Variants in DLC1 observed in about 807,000 individuals in gnomAD.
DLC1 encodes the protein DLC1 Rho GTPase activating protein, also known as rho GTPase-activating protein 7.
A neutral mutation model predicts 140.3 loss-of-function variants in DLC1; 54 were observed. That is an observed-to-expected ratio of 0.38 (90% confidence interval 0.31 to 0.48). The LOEUF is 0.48. Among genes scored for constraint, DLC1 ranks in the 20% least tolerant of loss-of-function variants. The probability of loss-of-function intolerance (pLI) is 0.96; values close to 1 mark genes in which losing one functional copy is unlikely to be tolerated. For synonymous variants in DLC1, 986 were observed against 728.1 expected, an observed-to-expected ratio of 1.35 and a Z score of -5.70; for missense variants, 2,536 against 1,907.0, an observed-to-expected ratio of 1.33 and a Z score of -6.14.
chr8:13,402,223 T>A (rs1209008257), intron 2 of DLC1, among the ~76,000 whole-genome samples: 1 of 152,184 alleles, frequency 6.6e-6, no homozygotes, highest in Non-Finnish European at 1.5e-5. Flanking sequence ...CCCACAACAA[T>A]TTGTATTTTT....
rs73203976 is a variant in DLC1, at chr8:13,355,590, G to A, written c.1314+37963C>T. Among the ~76,000 whole-genome samples, 315 of 152,248 alleles carry A rather than the reference G, an allele frequency of 2.1e-3. 1 individual carries two copies. The highest frequency in any genetic ancestry group is 0.014 in the Middle Eastern group (4 of 294). ...ATCAGATCAGGACCCCACCTTCTCAGCTCATTTAATATGAATTACTTCCTT... is the reference window on the plus strand; with the variant it reads ...ATCAGATCAGGACCCCACCTTCTCAACTCATTTAATATGAATTACTTCCTT... On this transcript the variant is annotated intron_variant, in intron 4 of 17. Coordinates refer to ENST00000276297, the MANE Select transcript of DLC1 (RefSeq NM_182643.3).
chr8:13,212,141 TTTATG>T (rs1292380224), intron 5 of DLC1, among the ~76,000 whole-genome samples: 2 of 152,198 alleles, frequency 1.3e-5, no homozygotes, highest in South Asian at 2.1e-4. Flanking sequence ...TGTTAAGAAA[TTTATG>T]TTATGTTATT....
At chr8:13,232,070 T>C (rs114787339) in intron 5 of DLC1, among the ~76,000 whole-genome samples, 1,592 of 152,278 alleles carry the variant, frequency 0.01, 35 homozygotes, top group African/African-American at 0.037. Context: ...TGGTCGCAGT[T>C]GTGCTCTGAA....
chr8:13,451,383 ACT>A (rs1799050964), intron 2 of DLC1, among the ~76,000 whole-genome samples: 1 of 151,952 alleles, frequency 6.6e-6, no homozygotes, highest in South Asian at 2.1e-4. Flanking sequence ...ATCCAATTAC[ACT>A]CTTTTAGTTA....
At chr8:13,468,323 C>T (rs1800037551) in intron 2 of DLC1, among the ~76,000 whole-genome samples, 1 of 116,060 alleles carries the variant, frequency 8.6e-6, no homozygotes, top group African/African-American at 3.0e-5. Context: ...TTTTCTCTCT[C>T]TTTCCCTTCC....
intron 5 of DLC1, among the ~76,000 whole-genome samples, chr8:13,122,065 T>G (rs1196588082): frequency 1.3e-5 from 2 of 152,190 alleles, no homozygotes; most frequent in African/African-American, 4.8e-5. Context: ...CACGGAACTC[T>G]GATAAGCCTC....
At chr8:13,156,388 T>C (rs1824257470) in intron 5 of DLC1, among the ~76,000 whole-genome samples, 1 of 152,162 alleles carries the variant, frequency 6.6e-6, no homozygotes, top group African/African-American at 2.4e-5. Context: ...GGTTACAAGG[T>C]GAGAGTGCGC....
chr8:13,404,225 T>C (rs1402038539), intron 2 of DLC1, among the ~76,000 whole-genome samples: 2 of 152,148 alleles, frequency 1.3e-5, no homozygotes, highest in Admixed American at 6.6e-5. Context: ...GGTATGTTGG[T>C]AAGTGTTTAG....
chr8:13,315,632 C>T lies in DLC1; in HGVS notation c.1315-10330G>A, dbSNP rs1832836445. On this transcript the variant is annotated intron_variant, in intron 4 of 17. Transcript: ENST00000276297. ...CTCCTTAAATCACAGGAGCCCAACT[C>T]AATTTCTTCTATTCCATTGATGACC... Among the ~76,000 whole-genome samples the T allele has an allele frequency of 2.6e-5, 4 of 152,320 alleles. 1 individual carries two copies. In the South Asian group the frequency reaches 8.3e-4, roughly 32 times the overall value.
chr8:13,237,288 TAA>T (rs1829330207), intron 5 of DLC1, among the ~76,000 whole-genome samples: 1 of 146,358 alleles, frequency 6.8e-6, no homozygotes, highest in South Asian at 2.1e-4. Context: ...TATATATATA[TAA>T]ATATATAAAT....
At chr8:13,148,229 C>T (rs754624528) in intron 5 of DLC1, among the ~76,000 whole-genome samples, 6 of 152,000 alleles carry the variant, frequency 3.9e-5, no homozygotes, top group Non-Finnish European at 7.4e-5. Context: ...TATTTCATCA[C>T]CCAGGAATTA....
At chr8:13,320,182 G>A (rs1311483710) in intron 4 of DLC1, among the ~76,000 whole-genome samples, 1 of 151,996 alleles carries the variant, frequency 6.6e-6, no homozygotes, top group Non-Finnish European at 1.5e-5. Context: ...TATTAAATTG[G>A]CACTATGTCA....
At chr8:13,265,068 C>CT (rs1830628110) in intron 5 of DLC1, among the ~76,000 whole-genome samples, 1 of 152,168 alleles carries the variant, frequency 6.6e-6, no homozygotes, top group Non-Finnish European at 1.5e-5. Context: ...TATGGGTCAG[C>CT]TTTTTCCTAT....
intron 1 of DLC1, among the ~76,000 whole-genome samples, chr8:13,529,344 C>A (rs1300600205): frequency 6.6e-6 from 1 of 152,104 alleles, no homozygotes; most frequent in African/African-American, 2.4e-5. Flanking sequence ...ATGCATTATA[C>A]CCTACAATAA....
chr8:13,099,615 C>G lies in DLC1; in HGVS notation c.2722G>C (p.Asp908His). The stretch of plus-strand genomic sequence containing the variant: ...ATCCCCTTCACGTGGTAGAGGATGT[C>G]GTCCAGCTCGGGGAAGATGTCCTCG... ...ENEDIFPELD[D>H]ILYHVKGMQR... Residue 908 changes from aspartate (D) to histidine (H), a missense_variant, in exon 9 of 18, where the codon GAC becomes CAC. Asp to His is a moderately conservative substitution (Grantham distance 81). Coordinates refer to ENST00000276297, the MANE Select transcript of DLC1 (RefSeq NM_182643.3). The G allele has an allele frequency of 3.7e-6, 6 of 1,614,160 alleles. No homozygotes were observed. The highest frequency in any genetic ancestry group is 5.1e-6 in the Non-Finnish European group (6 of 1,180,040).
intron 5 of DLC1, among the ~76,000 whole-genome samples, chr8:13,272,263 C>T (rs1256840941): frequency 6.6e-6 from 1 of 152,072 alleles, no homozygotes; most frequent in Non-Finnish European, 1.5e-5. Context: ...GCCTGGCCAA[C>T]ATGGTGAAAC....
intron 5 of DLC1, among the ~76,000 whole-genome samples, chr8:13,154,066 T>C (rs1243516917): frequency 2.0e-5 from 3 of 152,168 alleles, no homozygotes; most frequent in African/African-American, 7.2e-5. Flanking sequence ...GATTGGTGCA[T>C]TTACAAACCC....
chr8:13,471,148 G>A (rs73208059), intron 2 of DLC1, among the ~76,000 whole-genome samples: 41,826 of 151,840 alleles, frequency 0.28, 7,006 homozygotes, highest in Middle Eastern at 0.42. Context: ...GGGGTTGGGG[G>A]GAGGGAGAAA....
rs527524572 is a variant in DLC1 at position 13,085,055 on chromosome 8, T to G, written c.*756A>C. 5.3e-5 allele frequency: 8 copies of G among 152,344 alleles called. No homozygotes were observed. Among genetic ancestry groups the G allele is most frequent in the African/African-American group, 1.9e-4 (8 of 41,578 alleles). The allele number at this position is 152,344 out of a possible 1,614,324, so 9.4% of individuals were successfully genotyped here. A position where few individuals can be genotyped will look rare whatever the true frequency, so the allele number is the denominator to read the frequency against. ...CATACTGGTTAAAACTACATCACTATTTGCAATCGGGTCTAAAAATAAACT... is the reference window on the plus strand; with the variant it reads ...CATACTGGTTAAAACTACATCACTAGTTGCAATCGGGTCTAAAAATAAACT... On this transcript the variant is annotated 3_prime_UTR_variant, in exon 18 of 18. Coordinates refer to ENST00000276297, the MANE Select transcript of DLC1 (RefSeq NM_182643.3).
Sources: allele counts gnomAD v4.1 joint callset (sites outside exome capture counted in the v4.1 genomes callset), GRCh38; gene constraint gnomAD v4.1.1; transcripts MANE v1.5; gene names NCBI Gene and HGNC (gene_info 2026-07-23, HGNC 2026-07-21).